The following PKN2 variants were observed in gnomAD, a reference collection of about 807,000 sequenced individuals.
The protein encoded by PKN2 is protein kinase N2.
A neutral mutation model predicts 119.1 loss-of-function variants in PKN2; 38 were observed. That is an observed-to-expected ratio of 0.32 (90% CI 0.25 to 0.42). PKN2 has a LOEUF of 0.42. Ranked by LOEUF, PKN2 falls within the 10% of genes least tolerant of loss-of-function variation. The probability of loss-of-function intolerance (pLI) is 1.00; values close to 1 mark genes in which losing one functional copy is unlikely to be tolerated. For synonymous variants in PKN2, 390 were observed against 384.9 expected, an observed-to-expected ratio of 1.01 and a Z score of -0.15; for missense variants, 850 against 1,165.1, an observed-to-expected ratio of 0.73 and a Z score of 3.94.
At chr1:88,828,379 A>G (rs1672594455) in intron 18 of PKN2, 102 bp from the exon 19 acceptor site, 2 of 952,482 alleles carry the variant, frequency 2.1e-6, no homozygotes, top group Middle Eastern at 2.4e-4. Context: ...ACCATGCACA[A>G]ATGTGCAACT....
rs1420930416 is a variant in PKN2, at chr1:88,705,704, TA to T, written c.48+21077del. On this transcript the variant is annotated intron_variant, in intron 1 of 21. Transcript: ENST00000370521. ...CAGAGTGAGACTCGGTCTGCAAAAATATATATATATATATTCTTTCTCCACT... is the reference window on the plus strand; with the variant it reads ...CAGAGTGAGACTCGGTCTGCAAAAATTATATATATATATTCTTTCTCCACT... 4.0e-5 allele frequency among the ~76,000 whole-genome samples: 6 copies of T among 150,434 alleles called. No homozygotes were observed. The East Asian group carries it at 1.2e-3, about 29-fold the overall frequency.
intron 1 of PKN2, among the ~76,000 whole-genome samples, chr1:88,735,167 T>C (rs1402079933): frequency 6.6e-6 from 1 of 152,186 alleles, no homozygotes. Context: ...TTTTGTTTGC[T>C]TGTATGTTCG....
intron 1 of PKN2, among the ~76,000 whole-genome samples, chr1:88,690,477 A>G (rs999339177): frequency 1.3e-5 from 2 of 152,238 alleles, no homozygotes; most frequent in African/African-American, 4.8e-5. Context: ...GACATTTAAT[A>G]TGATCAACTT....
At chr1:88,709,596 A>G (rs1196292424) in intron 1 of PKN2, among the ~76,000 whole-genome samples, 2 of 152,220 alleles carry the variant, frequency 1.3e-5, no homozygotes, top group African/African-American at 4.8e-5. Context: ...TAGGGTTAAA[A>G]TTAGAGCCAT....
intron 1 of PKN2, among the ~76,000 whole-genome samples, chr1:88,695,719 T>G (rs550872147): frequency 7.4e-4 from 112 of 152,344 alleles, no homozygotes; most frequent in African/African-American, 2.6e-3. Context: ...AAAAATTGCT[T>G]CTTCTTGGTA....
chr1:88,787,685 C>G (rs1300268177), intron 8 of PKN2, among the ~76,000 whole-genome samples: 1 of 152,200 alleles, frequency 6.6e-6, no homozygotes, highest in African/African-American at 2.4e-5. Context: ...TTTGTTCTTT[C>G]CCTGCCATTG....
intron 18 of PKN2, among the ~76,000 whole-genome samples, chr1:88,826,963 A>C (rs1672523340): frequency 6.6e-6 from 1 of 152,090 alleles, no homozygotes; most frequent in Admixed American, 6.5e-5. Context: ...GTGTTAAAGA[A>C]ATTTTGCCAA....
intron 1 of PKN2, among the ~76,000 whole-genome samples, chr1:88,737,022 G>T (rs1465965618): frequency 2.0e-5 from 3 of 152,174 alleles, no homozygotes; most frequent in African/African-American, 7.2e-5. Flanking sequence ...TTGTGTACCT[G>T]TTCCCCTCTC....
intron 1 of PKN2, among the ~76,000 whole-genome samples, chr1:88,721,489 T>C (rs1317238186): frequency 6.6e-6 from 1 of 152,178 alleles, no homozygotes; most frequent in African/African-American, 2.4e-5. Context: ...TTTTATCTAC[T>C]GGGAATTCCA....
intron 8 of PKN2, among the ~76,000 whole-genome samples, chr1:88,800,271 T>C (rs1671251743): frequency 6.6e-6 from 1 of 152,218 alleles, no homozygotes; most frequent in Admixed American, 6.5e-5. Flanking sequence ...AGTTAGTATT[T>C]TAAGTCTTAA....
intron 8 of PKN2, 60 bp downstream of exon 8, chr1:88,786,273 A>G (rs1401676016): frequency 3.5e-6 from 3 of 858,274 alleles, no homozygotes; most frequent in Non-Finnish European, 5.6e-6. Flanking sequence ...TGTGAGTTAT[A>G]TTTTTTAGAA....
At chr1:88,740,221 A>G (rs1001290099) in intron 1 of PKN2, among the ~76,000 whole-genome samples, 8 of 152,118 alleles carry the variant, frequency 5.3e-5, no homozygotes, top group African/African-American at 1.9e-4. Flanking sequence ...ATACCAAAGA[A>G]CAACTGTATA....
At chr1:88,727,235 C>CT (rs201955186) in intron 1 of PKN2, among the ~76,000 whole-genome samples, 1 of 149,474 alleles carries the variant, frequency 6.7e-6, no homozygotes, top group Non-Finnish European at 1.5e-5. Context: ...AATATGGTTA[C>CT]TTTTTTTATT....
rs556423084 is a variant in PKN2 at position 88,762,454 on chromosome 1, A to C, written c.504+2078A>C. ...TTAACTGTTTTTATTTTTCATCTTT[A>C]AACTTCTCAGAGGGTCAGAGTACAT... On this transcript the variant is annotated intron_variant, in intron 3 of 21. Coordinates refer to ENST00000370521, the MANE Select transcript of PKN2 (RefSeq NM_006256.4). Among the ~76,000 whole-genome samples, 5 of 152,242 alleles carry C rather than the reference A, an allele frequency of 3.3e-5. No homozygotes were observed. The East Asian group carries it at 9.6e-4, about 29-fold the overall frequency.
chr1:88,830,615 C>T (rs1395095018), intron 19 of PKN2, among the ~76,000 whole-genome samples: 1 of 152,114 alleles, frequency 6.6e-6, no homozygotes, highest in African/African-American at 2.4e-5. Context: ...TTACAAAATA[C>T]TGTAGAATTA....
Position 88,762,048 on chromosome 1 carries a change from T to C in PKN2, c.504+1672T>C, listed in dbSNP as rs535338081. ...TTTAAATCTGGGGTGGATGGATTAG[T>C]TTGAGGGGTTTATGAACCCTTTGAA... On this transcript the variant is annotated intron_variant, in intron 3 of 21. Transcript: ENST00000370521. Among the ~76,000 whole-genome samples, 10 of 152,284 alleles carry C rather than the reference T, an allele frequency of 6.6e-5. No individual in the cohort carries two copies. In the South Asian group the frequency reaches 1.2e-3, roughly 19 times the overall value.
At chr1:88,750,362 G>T (rs1159521662) in intron 2 of PKN2, among the ~76,000 whole-genome samples, 3 of 152,138 alleles carry the variant, frequency 2.0e-5, no homozygotes, top group Admixed American at 6.5e-5. Context: ...CTGTGTTCTA[G>T]AACTCTGTTT....
chr1:88,812,508 G>A (rs556782663), intron 15 of PKN2, among the ~76,000 whole-genome samples: 4 of 152,160 alleles, frequency 2.6e-5, no homozygotes, highest in Non-Finnish European at 5.9e-5. Context: ...GGGAGGCCAA[G>A]GCAGGAGGAT....
Position 88,833,492 on chromosome 1 carries a change from C to T in PKN2, c.*44C>T. 1 of 1,492,540 alleles carries T rather than the reference C, an allele frequency of 6.7e-7. No individual in the cohort carries two copies. Among genetic ancestry groups the T allele is most frequent in the Non-Finnish European group, 9.3e-7 (1 of 1,074,790 alleles). The allele number at this position is 1,492,540 out of a possible 1,614,324, so 92.5% of individuals were successfully genotyped here. A position where few individuals can be genotyped will look rare whatever the true frequency, so the allele number is the denominator to read the frequency against. On this transcript the variant is annotated 3_prime_UTR_variant, in exon 22 of 22. Transcript: ENST00000370521. ...ACCAAGCTGACTCACAAGAAGACCT[C>T]TTAAAAATAGCAACCCTTCATTTGC... is the stretch of plus-strand genomic sequence containing the variant.
Sources: gnomAD v4.1 joint callset for allele counts (sites outside exome capture counted in the v4.1 genomes callset) on GRCh38, gnomAD v4.1.1 for gene constraint, MANE v1.5 for transcripts, NCBI Gene and HGNC (gene_info 2026-07-23, HGNC 2026-07-21) for gene names.